Variants in CHST11 observed in about 807,000 individuals in gnomAD.
CHST11 encodes carbohydrate sulfotransferase 11.
A neutral mutation model predicts 30.4 loss-of-function variants in CHST11; 9 were observed. The ratio of observed to expected loss-of-function variants is 0.30; its 90% CI spans 0.18 to 0.52. The LOEUF (loss-of-function observed/expected upper bound fraction) is 0.52. Among genes scored for constraint, CHST11 ranks in the 20% least tolerant of loss-of-function variants. CHST11 has a pLI of 0.97. For missense variants in CHST11, 348 were observed against 460.6 expected (o/e 0.76, Z 2.24); for synonymous variants, 152 against 187.8 (o/e 0.81, Z 1.56).
intron 1 of CHST11, among the ~76,000 whole-genome samples, chr12:104,555,674 GCTC>G (rs1392441835): frequency 6.6e-6 from 1 of 152,206 alleles, no homozygotes; most frequent in Admixed American, 6.5e-5. Flanking sequence ...CAATTTCTAA[GCTC>G]CTCATGGCCA....
At chr12:104,500,077 G>A (rs2037838508) in intron 1 of CHST11, among the ~76,000 whole-genome samples, 1 of 152,128 alleles carries the variant, frequency 6.6e-6, no homozygotes, top group Admixed American at 6.5e-5. Context: ...CTTGTTAATG[G>A]TTTGTTTTTT....
At chr12:104,697,292 T>A (rs1010050989) in intron 2 of CHST11, among the ~76,000 whole-genome samples, 9 of 152,210 alleles carry the variant, frequency 5.9e-5, no homozygotes, top group Non-Finnish European at 7.3e-5. Context: ...TCTGGGTGTG[T>A]CTGTGAGGGT....
chr12:104,537,095 G>A (rs2038244282), intron 1 of CHST11, among the ~76,000 whole-genome samples: 1 of 152,132 alleles, frequency 6.6e-6, no homozygotes, highest in Non-Finnish European at 1.5e-5. Flanking sequence ...ACGCAGGTGT[G>A]TGGAACAAAA....
chr12:104,652,509 A>G (rs2039501278), intron 2 of CHST11, among the ~76,000 whole-genome samples: 1 of 152,162 alleles, frequency 6.6e-6, no homozygotes, highest in Admixed American at 6.5e-5. Context: ...ATGATCACTG[A>G]TGTGTATTTT....
intron 1 of CHST11, among the ~76,000 whole-genome samples, chr12:104,463,025 C>T (rs2037424515): frequency 6.6e-6 from 1 of 152,168 alleles, no homozygotes; most frequent in Non-Finnish European, 1.5e-5. Context: ...ATCCATCCTT[C>T]AGCAGAGGTA....
intron 2 of CHST11, among the ~76,000 whole-genome samples, chr12:104,699,061 A>C (rs140028229): frequency 3.7e-4 from 57 of 152,320 alleles, no homozygotes; most frequent in African/African-American, 1.3e-3. Context: ...CTGCTTCCAA[A>C]ATGACTAGTT....
Position 104,757,848 on chromosome 12 carries a change from TTTTA to T in CHST11, c.*49_*52del. ...AGAATCATGCTTTTTAATTTAAGAT[TTTTA>T]TTTGTCAAAAGAATTATATGGATAT... is the stretch of plus-strand genomic sequence containing the variant. On this transcript the variant is annotated 3_prime_UTR_variant, in exon 3 of 3. Transcript: ENST00000303694. This position sits in a 1 kb window ranked among gnomAD's most constrained non-coding sequence, Gnocchi z 6.5. The T allele has an allele frequency of 6.5e-7, 1 of 1,531,824 alleles. No homozygotes were observed. The highest frequency in any genetic ancestry group is 8.8e-7 in the Non-Finnish European group (1 of 1,137,102). The allele number at this position is 1,531,824 out of a possible 1,614,324, so 94.9% of individuals were successfully genotyped here. A position where few individuals can be genotyped will look rare whatever the true frequency, so the allele number is the denominator to read the frequency against.
chr12:104,679,211 C>A (rs190920923), intron 2 of CHST11, among the ~76,000 whole-genome samples: 1 of 152,136 alleles, frequency 6.6e-6, no homozygotes, highest in Non-Finnish European at 1.5e-5. Flanking sequence ...AGATTCCAAC[C>A]CAGAAAGTTC....
intron 1 of CHST11, among the ~76,000 whole-genome samples, chr12:104,542,281 G>C (rs1056532453): frequency 1.3e-5 from 2 of 152,208 alleles, no homozygotes; most frequent in Non-Finnish European, 2.9e-5. Flanking sequence ...TGAAAGCAGG[G>C]ACTTGAATGG....
chr12:104,669,043 C>G (rs1460583290), intron 2 of CHST11, among the ~76,000 whole-genome samples: 1 of 152,216 alleles, frequency 6.6e-6, no homozygotes, highest in Admixed American at 6.5e-5. Flanking sequence ...TTTCTGTGGG[C>G]AAGGAACACG....
chr12:104,721,602 T>C (rs964263454), intron 2 of CHST11, among the ~76,000 whole-genome samples: 1 of 152,060 alleles, frequency 6.6e-6, no homozygotes, highest in East Asian at 1.9e-4. Flanking sequence ...AGAGAATGAG[T>C]GCTCAAAATG....
chr12:104,599,400 C>T lies in CHST11; in HGVS notation c.119-2506C>T, dbSNP rs140246513. ...CATGGGCCTCGATGAGCCCGTCTGCCGCCATAGGGAGAATTTAATCTTGCC... is the reference window on the plus strand; with the variant it reads ...CATGGGCCTCGATGAGCCCGTCTGCTGCCATAGGGAGAATTTAATCTTGCC... On this transcript the variant is annotated intron_variant, in intron 1 of 2. Coordinates refer to ENST00000303694, the MANE Select transcript of CHST11 (RefSeq NM_018413.6). 7.2e-3 allele frequency among the ~76,000 whole-genome samples: 1,099 copies of T among 152,328 alleles called. 13 individuals are homozygous for T. The highest frequency in any genetic ancestry group is 0.023 in the Admixed American group (346 of 15,300).
chr12:104,483,828 CG>C (rs1002656899), intron 1 of CHST11, among the ~76,000 whole-genome samples: 2 of 152,090 alleles, frequency 1.3e-5, no homozygotes, highest in Non-Finnish European at 1.5e-5. Context: ...GGCCTGGGGT[CG>C]GGGAGGACTG....
At chr12:104,601,249 G>A (rs1283331920) in intron 1 of CHST11, among the ~76,000 whole-genome samples, 1 of 152,174 alleles carries the variant, frequency 6.6e-6, no homozygotes, top group Non-Finnish European at 1.5e-5. Context: ...TTTAAAAAGA[G>A]CTCTTGGTGG....
intron 2 of CHST11, among the ~76,000 whole-genome samples, chr12:104,730,595 C>T (rs976196310): frequency 1.3e-5 from 2 of 152,024 alleles, no homozygotes; most frequent in Admixed American, 6.5e-5. Context: ...GCTGGCCCAG[C>T]GACGGGCCCA....
intron 2 of CHST11, among the ~76,000 whole-genome samples, chr12:104,704,119 G>A (rs1465618578): frequency 2.6e-5 from 4 of 152,118 alleles, no homozygotes; most frequent in African/African-American, 9.7e-5. Context: ...GGGAAGCAAT[G>A]CACACACTGC....
chr12:104,565,745 C>T (rs1044118127), intron 1 of CHST11, among the ~76,000 whole-genome samples: 1 of 152,116 alleles, frequency 6.6e-6, no homozygotes, highest in African/African-American at 2.4e-5. Flanking sequence ...TCCGGCATCG[C>T]CAGCATAGTT....
chr12:104,591,492 G>GTTC (rs2038858087), intron 1 of CHST11: 1 of 133,648 alleles, frequency 7.5e-6, no homozygotes, highest in Non-Finnish European at 1.6e-5. Flanking sequence ...CTCACTGTTT[G>GTTC]GTCACAGCTA....
At chr12:104,593,393 A>C (rs996265123) in intron 1 of CHST11, among the ~76,000 whole-genome samples, 1 of 152,138 alleles carries the variant, frequency 6.6e-6, no homozygotes, top group African/African-American at 2.4e-5. Context: ...GAGGGAAGGA[A>C]TGGGAAGTTG....
Sources: gnomAD v4.1 joint callset for allele counts (sites outside exome capture counted in the v4.1 genomes callset) on GRCh38, gnomAD v4.1.1 for gene constraint, Gnocchi (gnomAD v3.1) non-coding constraint, MANE v1.5 for transcripts, NCBI Gene and HGNC (gene_info 2026-07-23, HGNC 2026-07-21) for gene names.